Variants in PRKACB observed in about 807,000 individuals in gnomAD.
The protein encoded by PRKACB is cAMP-dependent protein kinase catalytic subunit beta.
Under a neutral mutation model 51.4 loss-of-function variants are expected in PRKACB, and 16 were observed. That is an observed-to-expected ratio of 0.31 (90% CI 0.21 to 0.47). The LOEUF (loss-of-function observed/expected upper bound fraction) is 0.47, where lower values mean the gene tolerates loss of function less well. PRKACB is among the 20% of genes least tolerant of loss of function. The probability of loss-of-function intolerance (pLI) is 1.00; values close to 1 mark genes in which losing one functional copy is unlikely to be tolerated. For synonymous variants in PRKACB, 147 were observed against 154.4 expected (o/e 0.95, Z 0.35); for missense variants, 309 against 464.5 (o/e 0.67, Z 3.08).
At chr1:84,080,882 T>C (rs1373112879) in intron 1 of PRKACB, among the ~76,000 whole-genome samples, 1 of 150,888 alleles carries the variant, frequency 6.6e-6, no homozygotes, top group Non-Finnish European at 1.5e-5. Flanking sequence ...CAATAAATAA[T>C]CAGTTAATAT....
chr1:84,203,381 G>T (rs1033871356), intron 8 of PRKACB, among the ~76,000 whole-genome samples: 24 of 152,086 alleles, frequency 1.6e-4, no homozygotes, highest in Non-Finnish European at 2.7e-4. Context: ...TTACTGTGTT[G>T]TAGTATTTTA....
chr1:84,143,059 C>CA (rs1176922809), upstream of PRKACB, among the ~76,000 whole-genome samples: 1 of 151,756 alleles, frequency 6.6e-6, no homozygotes, highest in Non-Finnish European at 1.5e-5. Flanking sequence ...CCTTTAGTGT[C>CA]AAAAAAACAA....
At chr1:84,149,282 CAG>C (rs1231966999) in intron 1 of PRKACB, among the ~76,000 whole-genome samples, 5 of 150,226 alleles carry the variant, frequency 3.3e-5, no homozygotes, top group African/African-American at 1.2e-4. Flanking sequence ...TTTTTTTAAA[CAG>C]AGTCTTACCG....
rs573851459 is a variant in PRKACB at position 84,231,351 on chromosome 1, A to G, written c.1072-3829A>G. Among the ~76,000 whole-genome samples the G allele has an allele frequency of 3.3e-4, 50 of 152,286 alleles. 1 individual carries two copies. In the South Asian group the frequency reaches 9.1e-3, roughly 28 times the overall value. ...TATTTTATTGAGGATTTTTGCATCA[A>G]TGTTCATCAAGGATATTGGACTAAA... is the stretch of plus-strand genomic sequence containing the variant. On this transcript the variant is annotated intron_variant, in intron 9 of 9. Coordinates refer to ENST00000370685, the MANE Select transcript of PRKACB (RefSeq NM_182948.4).
intron 1 of PRKACB, among the ~76,000 whole-genome samples, chr1:84,161,933 A>G (rs956471913): frequency 6.6e-6 from 1 of 151,792 alleles, no homozygotes; most frequent in Non-Finnish European, 1.5e-5. Flanking sequence ...TCTTTCTGTC[A>G]ATTTGAGCTG....
At position 84,236,624 on chromosome 1, in the gene PRKACB, G is replaced by T. The variant is rs893437271; in HGVS notation, c.*1319G>T. Reference sequence around the variant, plus strand: ...GATCGATCATGCAGATACAATGTTGGTATTTGAGAGGTTAGTTTTTTTCCT... The same window carrying T: ...GATCGATCATGCAGATACAATGTTGTTATTTGAGAGGTTAGTTTTTTTCCT... On this transcript the variant is annotated 3_prime_UTR_variant, in exon 10 of 10. Transcript: ENST00000370685. 1 of 152,576 alleles carries T rather than the reference G, an allele frequency of 6.6e-6. No homozygotes were observed. Among genetic ancestry groups the T allele is most frequent in the Non-Finnish European group, 1.5e-5 (1 of 68,008 alleles). 9.5% of individuals were successfully genotyped at this position (152,576 alleles called of 1,614,324 possible). A position where few individuals can be genotyped will look rare whatever the true frequency, so the allele number is the denominator to read the frequency against.
chr1:84,214,504 T>G (rs1285409830), intron 9 of PRKACB, among the ~76,000 whole-genome samples, 187 bp downstream of exon 9: 4 of 151,172 alleles, frequency 2.6e-5, no homozygotes, highest in Non-Finnish European at 4.4e-5. Flanking sequence ...TTTTTTTTTT[T>G]TTTTTTGAGG....
intron 1 of PRKACB, among the ~76,000 whole-genome samples, chr1:84,081,044 G>A (rs1647492630): frequency 6.6e-6 from 1 of 152,106 alleles, no homozygotes; most frequent in Non-Finnish European, 1.5e-5. Flanking sequence ...TATGGAAAGT[G>A]GAATTAGAAC....
At chr1:84,121,428 G>T (rs1651065489) in intron 1 of PRKACB, among the ~76,000 whole-genome samples, 1 of 151,752 alleles carries the variant, frequency 6.6e-6, no homozygotes, top group Non-Finnish European at 1.5e-5. Flanking sequence ...CAAATCACAA[G>T]TCTGTCATTT....
At chr1:84,157,023 C>T (rs1423407796) in intron 1 of PRKACB, among the ~76,000 whole-genome samples, 1 of 152,126 alleles carries the variant, frequency 6.6e-6, no homozygotes, top group Non-Finnish European at 1.5e-5. Flanking sequence ...ATAAAGCCTC[C>T]TTAAGCATAT....
chr1:84,146,587 C>G (rs1654121093), intron 1 of PRKACB, among the ~76,000 whole-genome samples: 1 of 151,968 alleles, frequency 6.6e-6, no homozygotes, highest in Non-Finnish European at 1.5e-5. Flanking sequence ...AGTTTACTTG[C>G]ATGACTCATT....
At position 84,100,082 on chromosome 1, in the gene PRKACB, C is replaced by G. The variant is rs1382679000; in HGVS notation, c.46+21711C>G. Among the ~76,000 whole-genome samples the G allele has an allele frequency of 3.3e-5, 5 of 152,186 alleles. No homozygotes were observed. The East Asian group carries it at 9.6e-4, about 29-fold the overall frequency. ...AAGAGGTTTTATTGACTCACAGTTC[C>G]ACATGGCCAGAGAGGCCTCAGGAAA... On this transcript the variant is annotated intron_variant, in intron 1 of 8. Transcript: ENST00000370688.
rs201418228 is a variant in PRKACB at position 84,118,542 on chromosome 1, G to GA, written c.46+40177dup. ...GGTGCTGGGAATAAGAGTGACAAAA[G>GA]AAAAAATCTAAGAAACAAATATAAA... On this transcript the variant is annotated intron_variant, in intron 1 of 8. Transcript: ENST00000370688. Among the ~76,000 whole-genome samples, 102 of 152,018 alleles carry GA rather than the reference G, an allele frequency of 6.7e-4. No individual in the cohort carries two copies. The East Asian group carries it at 0.016, about 24-fold the overall frequency.
intron 5 of PRKACB, among the ~76,000 whole-genome samples, chr1:84,190,339 GTTTA>G (rs1355420686): frequency 6.6e-6 from 1 of 151,684 alleles, no homozygotes; most frequent in Non-Finnish European, 1.5e-5. Context: ...ATTTATAAAT[GTTTA>G]TTTAATTAAC....
intron 9 of PRKACB, among the ~76,000 whole-genome samples, chr1:84,223,917 T>C (rs639010): frequency 0.95 from 145,121 of 152,294 alleles, 69,551 homozygotes; most frequent in East Asian, 1. Context: ...TATACTTACA[T>C]TGACATCTCC....
chr1:84,106,923 C>T (rs1414476292), intron 1 of PRKACB, among the ~76,000 whole-genome samples: 1 of 151,924 alleles, frequency 6.6e-6, no homozygotes, highest in Non-Finnish European at 1.5e-5. Flanking sequence ...ACCAATGGAA[C>T]AGAATAGAGA....
At chr1:84,167,639 A>G (rs1657955584) in intron 1 of PRKACB, among the ~76,000 whole-genome samples, 1 of 151,604 alleles carries the variant, frequency 6.6e-6, no homozygotes, top group African/African-American at 2.4e-5. Flanking sequence ...GTATGTTTCT[A>G]GTAGTCACCC....
At chr1:84,132,850 A>G (rs1652381249) in intron 1 of PRKACB, among the ~76,000 whole-genome samples, 1 of 152,184 alleles carries the variant, frequency 6.6e-6, no homozygotes, top group Non-Finnish European at 1.5e-5. Context: ...AAAAATAATG[A>G]GAAAACAAAA....
At chr1:84,195,293 T>C (rs1173967436) in intron 5 of PRKACB, among the ~76,000 whole-genome samples, 1 of 152,202 alleles carries the variant, frequency 6.6e-6, no homozygotes, top group Non-Finnish European at 1.5e-5. Flanking sequence ...TCTTTACATA[T>C]GCATTCTTTC....
Sources: gnomAD v4.1 joint callset for allele counts (sites outside exome capture counted in the v4.1 genomes callset) on GRCh38, gnomAD v4.1.1 for gene constraint, MANE v1.5 for transcripts, NCBI Gene and HGNC (gene_info 2026-07-23, HGNC 2026-07-21) for gene names.